Variants in FOXK1 observed in about 807,000 individuals in gnomAD.
FOXK1 encodes the protein forkhead box protein K1.
FOXK1 carries 19 observed loss-of-function variants against 51.9 expected under a neutral mutation model. The ratio of observed to expected loss-of-function variants is 0.37; its 90% CI spans 0.26 to 0.54. FOXK1 has a LOEUF of 0.54. FOXK1 is among the 20% of genes least tolerant of loss of function. FOXK1 has a pLI of 0.87. For synonymous variants in FOXK1, 537 were observed against 482.6 expected, an observed-to-expected ratio of 1.11 and a Z score of -1.48; for missense variants, 870 against 1,032.7, an observed-to-expected ratio of 0.84 and a Z score of 2.16.
At chr7:4,694,555 G>T (rs537437091) in intron 1 of FOXK1, among the ~76,000 whole-genome samples, 2 of 152,190 alleles carry the variant, frequency 1.3e-5, no homozygotes, top group Non-Finnish European at 2.9e-5. Context: ...GCTCCTCCCA[G>T]CCCCGCCCAC....
intron 1 of FOXK1, 126 bp from the exon 2 acceptor site, chr7:4,740,712 C>T: frequency 3.2e-6 from 3 of 940,572 alleles, no homozygotes; most frequent in Non-Finnish European, 4.8e-6. Flanking sequence ...CGAAACTGCT[C>T]TCTGGGGCCC....
rs543074653 is a variant in FOXK1, at chr7:4,687,296, C to T, written c.560+4428C>T. Among the ~76,000 whole-genome samples the T allele has an allele frequency of 2.3e-3, 349 of 150,164 alleles. 3 individuals carry two copies. The highest frequency in any genetic ancestry group is 8.2e-3 in the African/African-American group (336 of 40,740). On this transcript the variant is annotated intron_variant, in intron 1 of 8. Transcript: ENST00000328914. ...TTCTTGGTTTGTTTGTTTTCGTTTT[C>T]GTTTTTGTTTTTTTGCAACGGAGTC...
At chr7:4,684,304 G>A (rs545553896) in intron 1 of FOXK1, among the ~76,000 whole-genome samples, 3 of 152,220 alleles carry the variant, frequency 2.0e-5, no homozygotes, top group East Asian at 3.9e-4. Context: ...AACGCCTTGC[G>A]TCTGGGGAAT....
chr7:4,752,865 G>C (rs542750007), intron 2 of FOXK1, among the ~76,000 whole-genome samples: 133 of 152,332 alleles, frequency 8.7e-4, no homozygotes, highest in African/African-American at 3.0e-3. Context: ...AGAGGCCTTT[G>C]ACAAAGCCGA....
At chr7:4,719,561 A>C (rs1199930082) in intron 1 of FOXK1, among the ~76,000 whole-genome samples, 1 of 151,968 alleles carries the variant, frequency 6.6e-6, no homozygotes, top group Non-Finnish European at 1.5e-5. Context: ...GGCTCACTGC[A>C]ACCTTTGCCT....
chr7:4,744,399 C>T (rs1237196480), intron 2 of FOXK1, among the ~76,000 whole-genome samples: 1 of 152,156 alleles, frequency 6.6e-6, no homozygotes, highest in Non-Finnish European at 1.5e-5. Flanking sequence ...TCACCCCTCG[C>T]CCTCTCCCGC....
rs1287519610 is a variant in FOXK1, at chr7:4,769,923, G to A, written c.*7459G>A. On this transcript the variant is annotated 3_prime_UTR_variant, in exon 9 of 9. Coordinates refer to ENST00000328914, the MANE Select transcript of FOXK1 (RefSeq NM_001037165.2). This position sits in a 1 kb window ranked among gnomAD's most constrained non-coding sequence, Gnocchi z 4.1. Reference sequence around the variant, plus strand: ...CTGTGTCAGACACGGTGAAAAGAGTGCAGGAAAGCTGGGGCCAGGGGAAGC... The same window carrying A: ...CTGTGTCAGACACGGTGAAAAGAGTACAGGAAAGCTGGGGCCAGGGGAAGC... 2.6e-5 allele frequency: 4 copies of A among 152,212 alleles called. No individual in the cohort carries two copies. Among genetic ancestry groups the A allele is most frequent in the African/African-American group, 9.7e-5 (4 of 41,442 alleles). 9.4% of individuals were successfully genotyped at this position (152,212 alleles called of 1,614,324 possible). A position where few individuals can be genotyped will look rare whatever the true frequency, so the allele number is the denominator to read the frequency against.
chr7:4,762,504 C>A lies in FOXK1; in HGVS notation c.*40C>A. The A allele has an allele frequency of 6.6e-7, 1 of 1,511,676 alleles. No homozygotes were observed. Among genetic ancestry groups the A allele is most frequent in the South Asian group, 1.2e-5 (1 of 81,212 alleles). The allele number at this position is 1,511,676 out of a possible 1,614,324, so 93.6% of individuals were successfully genotyped here. A position where few individuals can be genotyped will look rare whatever the true frequency, so the allele number is the denominator to read the frequency against. On this transcript the variant is annotated 3_prime_UTR_variant, in exon 9 of 9. Transcript: ENST00000328914. This position sits in a 1 kb window ranked among gnomAD's most constrained non-coding sequence, Gnocchi z 5.7. The stretch of plus-strand genomic sequence containing the variant: ...CGGGGGAGTGGGACTCACCCAGCGG[C>A]GACCCCGAAGCTGGACCCGGCAGCT...
Position 4,761,492 on chromosome 7 carries a change from C to T in FOXK1, c.1921+204C>T, listed in dbSNP as rs1562392775. 6.6e-6 allele frequency among the ~76,000 whole-genome samples: 1 copy of T among 152,158 alleles called. No homozygotes were observed. The highest frequency in any genetic ancestry group is 6.6e-5 in the Admixed American group (1 of 15,266). On this transcript the variant is annotated intron_variant, in intron 8 of 8. Coordinates refer to ENST00000328914, the MANE Select transcript of FOXK1 (RefSeq NM_001037165.2). The surrounding 1 kb of genome is among the most constrained non-coding windows in gnomAD (Gnocchi z 6.2). Reference sequence around the variant, plus strand: ...CCTATCATCCCAGCACCTTGGGAGGCCAAGGCAGGCAGATCGCTTGAGCTC... The same window carrying T: ...CCTATCATCCCAGCACCTTGGGAGGTCAAGGCAGGCAGATCGCTTGAGCTC...
rs1159403362 is a variant in FOXK1, at chr7:4,707,205, A to T, written c.560+24337A>T. On this transcript the variant is annotated intron_variant, in intron 1 of 8. Transcript: ENST00000328914. The surrounding 1 kb of genome is among the most constrained non-coding windows in gnomAD (Gnocchi z 4.1). ...GGACACAGACATTGCCCAAACACTAACGGAGAGGGAAGAGGTGCGGGGAGC... is the reference window on the plus strand; with the variant it reads ...GGACACAGACATTGCCCAAACACTATCGGAGAGGGAAGAGGTGCGGGGAGC... 6.6e-6 allele frequency among the ~76,000 whole-genome samples: 1 copy of T among 151,946 alleles called. No homozygotes were observed. The highest frequency in any genetic ancestry group is 1.5e-5 in the Non-Finnish European group (1 of 67,966).
chr7:4,685,050 G>T (rs988091593), intron 1 of FOXK1, among the ~76,000 whole-genome samples: 1 of 151,886 alleles, frequency 6.6e-6, no homozygotes, highest in East Asian at 1.9e-4. Flanking sequence ...CATTAGATGT[G>T]CGTGAAGTGC....
rs994033821 is a variant in FOXK1, at chr7:4,765,448, G to C, written c.*2984G>C. 6.6e-6 allele frequency: 1 copy of C among 152,318 alleles called. No homozygotes were observed. Among genetic ancestry groups the C allele is most frequent in the Non-Finnish European group, 1.5e-5 (1 of 68,098 alleles). The allele number at this position is 152,318 out of a possible 1,614,324, so 9.4% of individuals were successfully genotyped here. ...CAGCCTGGGCGGCCTGTGACCCTGAGCCGTGTGGAGCCAGGACCCAAGAAC... is the reference window on the plus strand; with the variant it reads ...CAGCCTGGGCGGCCTGTGACCCTGACCCGTGTGGAGCCAGGACCCAAGAAC... On this transcript the variant is annotated 3_prime_UTR_variant, in exon 9 of 9. Coordinates refer to ENST00000328914, the MANE Select transcript of FOXK1 (RefSeq NM_001037165.2).
In FOXK1 at chr7:4,733,786, G is replaced by C. The variant is rs1780512601; in HGVS notation, c.561-7052G>C. 6.6e-6 allele frequency among the ~76,000 whole-genome samples: 1 copy of C among 152,226 alleles called. No individual in the cohort carries two copies. Among genetic ancestry groups the C allele is most frequent in the African/African-American group, 2.4e-5 (1 of 41,472 alleles). Reference sequence around the variant, plus strand: ...GGTCTGCTGTTTCTCTCACGGGAGAGGCTGCTCTGAGGTCCCCGAAGCTGC... The same window carrying C: ...GGTCTGCTGTTTCTCTCACGGGAGACGCTGCTCTGAGGTCCCCGAAGCTGC... On this transcript the variant is annotated intron_variant, in intron 1 of 8. Transcript: ENST00000328914. The surrounding 1 kb of genome is among the most constrained non-coding windows in gnomAD (Gnocchi z 5.0).
At chr7:4,714,464 C>G (rs1057374085) in intron 1 of FOXK1, among the ~76,000 whole-genome samples, 1 of 152,094 alleles carries the variant, frequency 6.6e-6, no homozygotes, top group Non-Finnish European at 1.5e-5. Context: ...TAGTAGAGAC[C>G]GGGTTTCGCC....
chr7:4,750,251 C>T (rs1780757620), intron 2 of FOXK1, among the ~76,000 whole-genome samples: 1 of 152,118 alleles, frequency 6.6e-6, no homozygotes, highest in African/African-American at 2.4e-5. Flanking sequence ...CCTCTGCGTC[C>T]CACACCTGGG....
At chr7:4,718,225 G>A (rs918624073) in intron 1 of FOXK1, among the ~76,000 whole-genome samples, 1 of 152,194 alleles carries the variant, frequency 6.6e-6, no homozygotes, top group Admixed American at 6.5e-5. Flanking sequence ...CGCTGTGTGT[G>A]GTTCCGTCAT....
intron 1 of FOXK1, among the ~76,000 whole-genome samples, chr7:4,721,863 T>C (rs1780317240): frequency 6.6e-6 from 1 of 152,230 alleles, no homozygotes; most frequent in Non-Finnish European, 1.5e-5. Flanking sequence ...AGTGCTGAGA[T>C]TACAGGCGTG....
chr7:4,734,329 A>G lies in FOXK1; in HGVS notation c.561-6509A>G, dbSNP rs1453504227. Among the ~76,000 whole-genome samples, 1 of 151,922 alleles carries G rather than the reference A, an allele frequency of 6.6e-6. No homozygotes were observed. The highest frequency in any genetic ancestry group is 2.4e-5 in the African/African-American group (1 of 41,338). On this transcript the variant is annotated intron_variant, in intron 1 of 8. Transcript: ENST00000328914. This position sits in a 1 kb window ranked among gnomAD's most constrained non-coding sequence, Gnocchi z 5.2. ...TTTGATGTTTTCTGAGTCACTTTAA[A>G]CTGTGCAAGATTTCCCGTTTCCCCT...
rs1322577549 is a variant in FOXK1, at chr7:4,768,067, A to G, written c.*5603A>G. ...AGAATGGGATTTTGGGGATACAACC[A>G]CACACATTTCCCTCTGGACTGAAAT... On this transcript the variant is annotated 3_prime_UTR_variant, in exon 9 of 9. Transcript: ENST00000328914. 7.0e-6 allele frequency: 1 copy of G among 142,642 alleles called. No individual in the cohort carries two copies. The highest frequency in any genetic ancestry group is 2.6e-5 in the African/African-American group (1 of 38,410). 8.8% of individuals were successfully genotyped at this position (142,642 alleles called of 1,614,324 possible).
Sources: allele counts gnomAD v4.1 joint callset (sites outside exome capture counted in the v4.1 genomes callset), GRCh38; gene constraint gnomAD v4.1.1; non-coding constraint Gnocchi (gnomAD v3.1); transcripts MANE v1.5; gene names NCBI Gene and HGNC (gene_info 2026-07-23, HGNC 2026-07-21).